Variants in STRA6 observed in about 807,000 individuals in gnomAD.
STRA6 encodes signaling receptor and transporter of retinol STRA6.
In STRA6, 48 loss-of-function variants were observed where a neutral mutation model predicts 83.6. The observed-to-expected ratio is 0.57, with a 90% CI of 0.46 to 0.73. The LOEUF (loss-of-function observed/expected upper bound fraction) is 0.73, where lower values mean the gene tolerates loss of function less well. Among genes scored for constraint, STRA6 ranks in the 30% least tolerant of loss-of-function variants. STRA6 has a pLI of 0.00. For synonymous variants in STRA6, 353 were observed against 362.3 expected, an observed-to-expected ratio of 0.97 and a Z score of 0.29; for missense variants, 760 against 838.8, an observed-to-expected ratio of 0.91 and a Z score of 1.16.
upstream of STRA6, among the ~76,000 whole-genome samples, chr15:74,210,585 G>C (rs909718169): frequency 6.6e-6 from 1 of 152,246 alleles, no homozygotes; most frequent in African/African-American, 2.4e-5. Flanking sequence ...TTTGGAGAAT[G>C]AAGCAGGATT....
chr15:74,191,326 C>T (rs1052341537), intron 9 of STRA6, 83 bp from the exon 10 acceptor site: 25 of 1,607,804 alleles, frequency 1.6e-5, no homozygotes, highest in Admixed American at 5.0e-5. Context: ...GTCATTCTTC[C>T]CCTCTGCCCC....
chr15:74,194,502 T>TGAGG, intron 7 of STRA6: 2 of 493,678 alleles, frequency 4.1e-6, no homozygotes, highest in Non-Finnish European at 5.6e-6. Flanking sequence ...ACCTCCACCC[T>TGAGG]GAGGGACTGG....
intron 12 of STRA6, among the ~76,000 whole-genome samples, chr15:74,185,553 C>T (rs769126236): frequency 6.6e-6 from 1 of 152,326 alleles, no homozygotes; most frequent in South Asian, 2.1e-4. Context: ...GAGTCCACAT[C>T]GGTGTGGACT....
In STRA6 at chr15:74,180,061, G is replaced by T; in HGVS notation, c.*19C>A. On this transcript the variant is annotated 3_prime_UTR_variant, in exon 19 of 19. Transcript: ENST00000395105. Reference sequence around the variant, plus strand: ...CATGCCTCAGCACAGATGGGCAGGTGGGTTGACCTTCCCTGCCCTCAGGGC... The same window carrying T: ...CATGCCTCAGCACAGATGGGCAGGTTGGTTGACCTTCCCTGCCCTCAGGGC... 1.2e-6 allele frequency: 2 copies of T among 1,609,966 alleles called. No homozygotes were observed. Among genetic ancestry groups the T allele is most frequent in the East Asian group, 2.2e-5 (1 of 44,728 alleles).
At position 74,179,919 on chromosome 15, in the gene STRA6, G is replaced by T; in HGVS notation, c.*161C>A. 1 of 948,198 alleles carries T rather than the reference G, an allele frequency of 1.1e-6. No individual in the cohort carries two copies. The highest frequency in any genetic ancestry group is 1.6e-6 in the Non-Finnish European group (1 of 632,950). The allele number at this position is 948,198 out of a possible 1,614,324, so 58.7% of individuals were successfully genotyped here. On this transcript the variant is annotated 3_prime_UTR_variant, in exon 19 of 19. Coordinates refer to ENST00000395105, the MANE Select transcript of STRA6 (RefSeq NM_022369.4). The stretch of plus-strand genomic sequence containing the variant: ...AGTGGGTGGAGCAGAGCCCTCCTGA[G>T]GCTCCCAGTGCAGACAGACCTCCAC...
chr15:74,202,852 C>G (rs1160742100), upstream of STRA6: 6 of 1,044,988 alleles, frequency 5.7e-6, no homozygotes, highest in Non-Finnish European at 6.9e-6. Flanking sequence ...CCCTTTCTGG[C>G]CCCTTTGGGC....
rs917914078 is a variant in STRA6, at chr15:74,197,345, G to T, written c.259C>A (p.Leu87Met). The change falls in exon 4 of 19, where the codon CTG becomes ATG. Residue 87 changes from leucine (L) to methionine (M), a missense_variant. Leu to Met is a conservative substitution (Grantham distance 15, BLOSUM62 2). Transcript: ENST00000395105. Reference protein sequence around the residue: ...WPDCVRGRPGLPSPVDFLAGD... With the variant: ...WPDCVRGRPGMPSPVDFLAGD... Reference sequence around the variant, plus strand: ...CCAGGCCATGGTACAAACCTGGGCAGGCCGGGCCTGCCACGCACACAGTCA... The same window carrying T: ...CCAGGCCATGGTACAAACCTGGGCATGCCGGGCCTGCCACGCACACAGTCA... The T allele has an allele frequency of 1.3e-6, 2 of 1,550,130 alleles. No homozygotes were observed. Among genetic ancestry groups the T allele is most frequent in the Non-Finnish European group, 1.7e-6 (2 of 1,146,718 alleles).
chr15:74,189,095 G>A lies in STRA6; in HGVS notation c.1090+20C>T, dbSNP rs1364176529. On this transcript the variant is annotated intron_variant, in intron 12 of 18. Coordinates refer to ENST00000395105, the MANE Select transcript of STRA6 (RefSeq NM_022369.4). The stretch of plus-strand genomic sequence containing the variant: ...TTTCATTCCCCACTGCAGCCCTCAG[G>A]GGCTCCCTGGAGGCCTCACCTTCCA... 1.7e-5 allele frequency: 28 copies of A among 1,613,560 alleles called. No homozygotes were observed. Among genetic ancestry groups the A allele is most frequent in the Non-Finnish European group, 2.4e-5 (28 of 1,179,928 alleles).
rs34975666 is a variant in STRA6 at position 74,202,343 on chromosome 15, G to GA, written c.-15-62dup. 1.2e-4 allele frequency: 184 copies of GA among 1,554,344 alleles called. 1 individual carries two copies. Among genetic ancestry groups the GA allele is most frequent in the East Asian group, 3.7e-4 (16 of 43,290 alleles). ...CAGATGTGAAAAGAGGCTTAAAAGA[G>GA]AAAAAAAAAGAAAGAAAGACGGAAA... On this transcript the variant is annotated intron_variant, in intron 1 of 18. Coordinates refer to ENST00000395105, the MANE Select transcript of STRA6 (RefSeq NM_022369.4).
intron 7 of STRA6, chr15:74,194,950 A>C: frequency 4.2e-6 from 6 of 1,425,432 alleles, no homozygotes; most frequent in Non-Finnish European, 5.5e-6. Flanking sequence ...ATCAAGCTTC[A>C]CTCCCATTCC....
intron 8 of STRA6, among the ~76,000 whole-genome samples, 165 bp downstream of exon 8, chr15:74,193,635 G>C (rs916496354): frequency 6.6e-6 from 1 of 152,190 alleles, no homozygotes; most frequent in African/African-American, 2.4e-5. Flanking sequence ...TCCAGCTTTT[G>C]CCTAGGGAGG....
Position 74,191,251 on chromosome 15 carries a change from A to T in STRA6, c.789-8T>A, listed in dbSNP as rs2073521200. ...TGCTTGGAGGTGTGGTAGCTGCAGA[A>T]AGACCCAGGCAGGTGCGGGGTCCTC... is the stretch of plus-strand genomic sequence containing the variant. On this transcript the variant is annotated splice_region_variant and splice_polypyrimidine_tract_variant and intron_variant, in intron 9 of 18. Transcript: ENST00000395105. 1 of 1,613,566 alleles carries T rather than the reference A, an allele frequency of 6.2e-7. No individual in the cohort carries two copies.
intron 2 of STRA6, among the ~76,000 whole-genome samples, chr15:74,200,062 C>A (rs536678837): frequency 6.6e-6 from 1 of 151,842 alleles, no homozygotes; most frequent in East Asian, 1.9e-4. Context: ...ACTAAAAATA[C>A]AAAAAAAATT....
intron 7 of STRA6, 118 bp downstream of exon 7, chr15:74,195,184 G>A (rs1050990960): frequency 5.9e-6 from 9 of 1,535,806 alleles, no homozygotes; most frequent in Middle Eastern, 2.3e-4. Flanking sequence ...GGAATCCCAT[G>A]CACAATGGAA....
At chr15:74,181,076 A>G in intron 17 of STRA6, 139 bp from the exon 18 acceptor site, 1 of 1,392,782 alleles carries the variant, frequency 7.2e-7, no homozygotes, top group Non-Finnish European at 9.9e-7. Context: ...CACGTGGCAC[A>G]TTGGCTGCAT....
At chr15:74,206,918 A>G (rs1238104839), upstream of STRA6, among the ~76,000 whole-genome samples, 1 of 152,214 alleles carries the variant, frequency 6.6e-6, no homozygotes, top group Non-Finnish European at 1.5e-5. Flanking sequence ...AGGTCTCCCA[A>G]CTGGGCACAG....
At chr15:74,204,251 C>A (rs1221537344), upstream of STRA6, among the ~76,000 whole-genome samples, 1 of 152,228 alleles carries the variant, frequency 6.6e-6, no homozygotes, top group Non-Finnish European at 1.5e-5. Context: ...TGTGAGCTCC[C>A]GGAGGGCGGG....
intron 5 of STRA6, 131 bp downstream of exon 5, chr15:74,195,877 C>T: frequency 7.4e-7 from 1 of 1,351,146 alleles, no homozygotes. Flanking sequence ...GGTCACGTCT[C>T]AGGATAGCAG....
chr15:74,204,690 T>C (rs1179228776), upstream of STRA6, among the ~76,000 whole-genome samples: 1 of 152,198 alleles, frequency 6.6e-6, no homozygotes, highest in East Asian at 1.9e-4. Context: ...CCTAGCACTT[T>C]GGGAGGCCGA....
Sources: allele counts gnomAD v4.1 joint callset (sites outside exome capture counted in the v4.1 genomes callset), GRCh38; gene constraint gnomAD v4.1.1; transcripts MANE v1.5; gene names NCBI Gene and HGNC (gene_info 2026-07-23, HGNC 2026-07-21).